Variants in LRP2 observed in about 807,000 individuals in gnomAD.
LRP2 encodes the protein LDL receptor related protein 2.
Under a neutral mutation model 531.0 loss-of-function variants are expected in LRP2, and 172 were observed. That is an observed-to-expected ratio of 0.32 (90% CI 0.29 to 0.37). The LOEUF (loss-of-function observed/expected upper bound fraction) is 0.37, where lower values mean the gene tolerates loss of function less well. LRP2 is among the 10% of genes least tolerant of loss of function. The pLI, the probability that LRP2 is intolerant of heterozygous loss-of-function variation, is 1.00. For missense variants in LRP2, 5,167 were observed against 5,868.3 expected (o/e 0.88, Z 3.90); for synonymous variants, 1,992 against 2,027.6 (o/e 0.98, Z 0.47).
chr2:169,307,747 A>G (rs550327291), intron 3 of LRP2, among the ~76,000 whole-genome samples: 2 of 152,348 alleles, frequency 1.3e-5, no homozygotes, highest in East Asian at 3.9e-4. Context: ...AAATCCTTGT[A>G]TAAACAAGAA....
intron 57 of LRP2, 86 bp downstream of exon 57, chr2:169,173,010 A>T: frequency 1.4e-6 from 2 of 1,381,158 alleles, no homozygotes; most frequent in Non-Finnish European, 2.1e-6. Flanking sequence ...GACATGGGAA[A>T]TACACTCTCA....
intron 3 of LRP2, among the ~76,000 whole-genome samples, chr2:169,317,806 G>A (rs563970824): frequency 2.0e-5 from 3 of 152,152 alleles, no homozygotes; most frequent in Non-Finnish European, 2.9e-5. Flanking sequence ...GCCAGTCATG[G>A]GGGGGTCATG....
chr2:169,164,324 C>T (rs1471793070), intron 62 of LRP2, among the ~76,000 whole-genome samples: 1 of 152,228 alleles, frequency 6.6e-6, no homozygotes, highest in Non-Finnish European at 1.5e-5. Flanking sequence ...GCCCATTACC[C>T]AGAGGTCCTG....
At chr2:169,224,367 C>T (rs1190684258) in intron 33 of LRP2, among the ~76,000 whole-genome samples, 1 of 152,208 alleles carries the variant, frequency 6.6e-6, no homozygotes, top group Non-Finnish European at 1.5e-5. Flanking sequence ...AGCAAACCAA[C>T]ACTAGTCAAG....
intron 61 of LRP2, among the ~76,000 whole-genome samples, chr2:169,168,107 G>A (rs549619135): frequency 7.0e-6 from 1 of 143,120 alleles, no homozygotes; most frequent in Non-Finnish European, 1.5e-5. Context: ...GGAAGTGACT[G>A]TAAAGATTAA....
chr2:169,179,215 C>T (rs1687334185), intron 52 of LRP2, among the ~76,000 whole-genome samples: 2 of 152,006 alleles, frequency 1.3e-5, no homozygotes, highest in Non-Finnish European at 2.9e-5. Context: ...TCATGTTGCC[C>T]AAGCTGGTCT....
intron 9 of LRP2, among the ~76,000 whole-genome samples, chr2:169,284,348 T>C (rs1344273776): frequency 8.1e-6 from 1 of 122,990 alleles, no homozygotes; most frequent in Non-Finnish European, 1.6e-5. Flanking sequence ...CACTGCAACC[T>C]CCGCCTCCCG....
At chr2:169,139,980 C>T (rs1293705947) in intron 72 of LRP2, among the ~76,000 whole-genome samples, 2 of 152,314 alleles carry the variant, frequency 1.3e-5, no homozygotes, top group African/African-American at 4.8e-5. Flanking sequence ...TATCTTGCTC[C>T]ATGTTAGAGT....
At chr2:169,301,446 G>A (rs2892802) in intron 4 of LRP2, among the ~76,000 whole-genome samples, 1 of 151,106 alleles carries the variant, frequency 6.6e-6, no homozygotes, top group Admixed American at 6.6e-5. Context: ...AATATGAGAT[G>A]CCATTTTACA....
intron 44 of LRP2, among the ~76,000 whole-genome samples, chr2:169,200,713 C>G (rs144159817): frequency 6.6e-6 from 1 of 152,148 alleles, no homozygotes; most frequent in African/African-American, 2.4e-5. Context: ...ATTCTAATTA[C>G]CAACAAAAGC....
intron 9 of LRP2, among the ~76,000 whole-genome samples, chr2:169,287,484 C>T (rs1284506768): frequency 2.6e-5 from 4 of 152,110 alleles, no homozygotes; most frequent in Admixed American, 1.3e-4. Context: ...ATATAAAAAT[C>T]TAATTTTTTT....
At chr2:169,326,949 C>T (rs1220289121) in intron 1 of LRP2, among the ~76,000 whole-genome samples, 8 of 150,908 alleles carry the variant, frequency 5.3e-5, no homozygotes, top group African/African-American at 1.7e-4. Context: ...CCAGCCGCCC[C>T]GTCTGAGAAG....
chr2:169,166,241 T>C (rs777152798), intron 61 of LRP2, among the ~76,000 whole-genome samples, 187 bp from the exon 62 acceptor site: 6 of 152,234 alleles, frequency 3.9e-5, no homozygotes, highest in Non-Finnish European at 5.9e-5. Flanking sequence ...AGGCAGTAGA[T>C]ATGATGGGAA....
chr2:169,130,020 C>T (rs1404190558), intron 77 of LRP2, among the ~76,000 whole-genome samples: 1 of 152,212 alleles, frequency 6.6e-6, no homozygotes, highest in Non-Finnish European at 1.5e-5. Context: ...GAGGTCTTCA[C>T]TTTAACCCAC....
At chr2:169,219,967 T>A in intron 34 of LRP2, among the ~76,000 whole-genome samples, 1 of 152,126 alleles carries the variant, frequency 6.6e-6, no homozygotes, top group East Asian at 1.9e-4. Flanking sequence ...ACTCTAAGCC[T>A]CTGGTTCCGG....
At chr2:169,131,254 A>AGTGTGTGTGTGT (rs3835382) in intron 77 of LRP2, among the ~76,000 whole-genome samples, 6 of 148,536 alleles carry the variant, frequency 4.0e-5, no homozygotes, top group South Asian at 2.2e-4. Flanking sequence ...TGAGTGTATG[A>AGTGTGTGTGTGT]GTGTGTGTGT....
intron 1 of LRP2, among the ~76,000 whole-genome samples, chr2:169,351,397 A>T (rs1685844102): frequency 6.6e-6 from 1 of 152,244 alleles, no homozygotes; most frequent in Non-Finnish European, 1.5e-5. Context: ...AGAGGATTTC[A>T]TAAAAGAAAG....
At chr2:169,145,519 C>T (rs1685875118) in intron 70 of LRP2, among the ~76,000 whole-genome samples, 1 of 152,200 alleles carries the variant, frequency 6.6e-6, no homozygotes, top group African/African-American at 2.4e-5. Context: ...TTTTTACTTA[C>T]CTGCTGATGG....
At chr2:169,247,756 T>C (rs1690068260) in intron 19 of LRP2, among the ~76,000 whole-genome samples, 1 of 152,242 alleles carries the variant, frequency 6.6e-6, no homozygotes, top group African/African-American at 2.4e-5. Flanking sequence ...TGGAGTTTTA[T>C]GATGGCATTT....
Sources: gnomAD v4.1 joint callset for allele counts (sites outside exome capture counted in the v4.1 genomes callset) on GRCh38, gnomAD v4.1.1 for gene constraint, MANE v1.5 for transcripts, NCBI Gene and HGNC (gene_info 2026-07-23, HGNC 2026-07-21) for gene names.